The following FRMD5 variants were observed in gnomAD, a reference collection of about 807,000 sequenced individuals.
The protein encoded by FRMD5 is FERM domain-containing protein 5.
Under a neutral mutation model 69.0 loss-of-function variants are expected in FRMD5, and 20 were observed. That is an observed-to-expected ratio of 0.29 (90% CI 0.20 to 0.42). FRMD5 has a LOEUF of 0.42. FRMD5 is among the 10% of genes least tolerant of loss of function. The pLI is 1.00. For missense variants in FRMD5, 595 were observed against 708.6 expected (o/e 0.84, Z 1.82); for synonymous variants, 271 against 260.1 (o/e 1.04, Z -0.40).
At chr15:43,946,030 G>C (rs1278911111) in intron 1 of FRMD5, among the ~76,000 whole-genome samples, 8 of 151,914 alleles carry the variant, frequency 5.3e-5, no homozygotes, top group Non-Finnish European at 2.9e-5. Flanking sequence ...ACTCCAGCCT[G>C]GGCAACAGAG....
intron 1 of FRMD5, among the ~76,000 whole-genome samples, chr15:44,073,881 T>C (rs1893644905): frequency 6.6e-6 from 1 of 152,210 alleles, no homozygotes; most frequent in East Asian, 1.9e-4. Context: ...ATCATGGGGA[T>C]ATGTAATGAC....
At chr15:44,127,716 A>T (rs1397290285) in intron 1 of FRMD5, among the ~76,000 whole-genome samples, 3 of 152,080 alleles carry the variant, frequency 2.0e-5, no homozygotes, top group Non-Finnish European at 4.4e-5. Context: ...TCTACAAAAA[A>T]ATACAAAAAT....
intron 1 of FRMD5, among the ~76,000 whole-genome samples, chr15:44,021,504 A>G (rs1891207099): frequency 6.6e-6 from 1 of 152,168 alleles, no homozygotes; most frequent in African/African-American, 2.4e-5. Context: ...GGGCTTGAAC[A>G]TTTTCCCAAA....
At chr15:44,100,258 T>C (rs1447620294) in intron 1 of FRMD5, among the ~76,000 whole-genome samples, 1 of 151,436 alleles carries the variant, frequency 6.6e-6, no homozygotes, top group African/African-American at 2.4e-5. Context: ...GGTTTCACCA[T>C]GTTGTCCAGG....
chr15:43,939,951 C>T (rs925077812), intron 1 of FRMD5, among the ~76,000 whole-genome samples: 4 of 152,108 alleles, frequency 2.6e-5, no homozygotes, highest in Non-Finnish European at 5.9e-5. Flanking sequence ...GCAAGGCAGG[C>T]GGATCACCTT....
chr15:43,967,458 C>A (rs1438532860), intron 1 of FRMD5, among the ~76,000 whole-genome samples: 1 of 152,070 alleles, frequency 6.6e-6, no homozygotes, highest in Non-Finnish European at 1.5e-5. Flanking sequence ...GTCTCAAACT[C>A]CTGATCTCAT....
Position 44,058,666 on chromosome 15 carries a change from G to A in FRMD5, c.103-134357C>T, listed in dbSNP as rs577853461. 3.3e-5 allele frequency among the ~76,000 whole-genome samples: 5 copies of A among 151,762 alleles called. No individual in the cohort carries two copies. In the South Asian group the frequency reaches 8.3e-4, roughly 25 times the overall value. ...CCAGGCGTGGTGGCGGGTGCCTGTAGTCCCAGCTACTCAGGAGGCTGAGGC... is the reference window on the plus strand; with the variant it reads ...CCAGGCGTGGTGGCGGGTGCCTGTAATCCCAGCTACTCAGGAGGCTGAGGC... On this transcript the variant is annotated intron_variant, in intron 1 of 13. Coordinates refer to ENST00000417257, the MANE Select transcript of FRMD5 (RefSeq NM_032892.5).
intron 1 of FRMD5, among the ~76,000 whole-genome samples, chr15:43,931,761 CA>C (rs1460491722): frequency 1.3e-5 from 2 of 152,136 alleles, no homozygotes; most frequent in Non-Finnish European, 2.9e-5. Flanking sequence ...TGGCCAGTGC[CA>C]ACATATGTGA....
At chr15:44,174,984 A>C (rs2077869341) in intron 1 of FRMD5, among the ~76,000 whole-genome samples, 2 of 152,220 alleles carry the variant, frequency 1.3e-5, no homozygotes, top group East Asian at 3.8e-4. Context: ...TGACAGGTTG[A>C]TAGGTGCAGC....
At chr15:44,041,639 C>T (rs911088738) in intron 1 of FRMD5, among the ~76,000 whole-genome samples, 2 of 152,150 alleles carry the variant, frequency 1.3e-5, no homozygotes, top group Admixed American at 1.3e-4. Context: ...TGCAAAATCG[C>T]ACAATTACAT....
At chr15:44,155,151 C>T (rs1426244241) in intron 1 of FRMD5, among the ~76,000 whole-genome samples, 1 of 152,048 alleles carries the variant, frequency 6.6e-6, no homozygotes, top group Non-Finnish European at 1.5e-5. Flanking sequence ...AAAAGAAAAG[C>T]TGGCCAGGCA....
chr15:43,909,869 C>A lies in FRMD5; in HGVS notation c.427+13G>T. ...GGCATGAAAAGCAAACTTATCCTGT[C>A]AAAAGTCATTACCTTGAAGGATGTA... On this transcript the variant is annotated intron_variant, in intron 5 of 13. Transcript: ENST00000417257. The A allele has an allele frequency of 6.4e-7, 1 of 1,564,300 alleles. No individual in the cohort carries two copies. Among genetic ancestry groups the A allele is most frequent in the South Asian group, 1.1e-5 (1 of 89,420 alleles).
intron 1 of FRMD5, among the ~76,000 whole-genome samples, chr15:44,186,075 G>A (rs2078095897): frequency 1.3e-5 from 2 of 152,070 alleles, no homozygotes; most frequent in Non-Finnish European, 2.9e-5. Context: ...TTACAGGCAT[G>A]CGTCACCACA....
At chr15:43,882,393 CTG>C (rs1221349221) in intron 13 of FRMD5, among the ~76,000 whole-genome samples, 4 of 152,080 alleles carry the variant, frequency 2.6e-5, no homozygotes, top group Non-Finnish European at 2.9e-5. Context: ...GAGTCTTACT[CTG>C]TTGCCCAGGC....
At chr15:43,899,836 G>A (rs896900242) in intron 7 of FRMD5, among the ~76,000 whole-genome samples, 2 of 152,190 alleles carry the variant, frequency 1.3e-5, no homozygotes, top group Admixed American at 6.5e-5. Flanking sequence ...GTCCTGGGGT[G>A]CATGTGTATT....
intron 1 of FRMD5, among the ~76,000 whole-genome samples, chr15:44,181,528 C>A (rs2078000820): frequency 6.6e-6 from 1 of 152,022 alleles, no homozygotes; most frequent in South Asian, 2.1e-4. Context: ...ATAAAATTCA[C>A]CATTTTATAG....
intron 7 of FRMD5, among the ~76,000 whole-genome samples, chr15:43,898,819 G>A (rs1359019222): frequency 2.0e-5 from 3 of 152,202 alleles, no homozygotes; most frequent in Admixed American, 6.5e-5. Flanking sequence ...GGACAGCCTT[G>A]TCCTGCACTT....
upstream of FRMD5, among the ~76,000 whole-genome samples, chr15:44,197,764 T>C (rs1232716591): frequency 6.6e-6 from 1 of 150,902 alleles, no homozygotes; most frequent in Non-Finnish European, 1.5e-5. Flanking sequence ...CTGTTTGTTA[T>C]AGAATCAACA....
chr15:44,149,309 C>T, intron 1 of FRMD5, among the ~76,000 whole-genome samples: 1 of 151,234 alleles, frequency 6.6e-6, no homozygotes, highest in East Asian at 1.9e-4. Flanking sequence ...AAATAATTCA[C>T]TACAAAAAGT....
Sources: gnomAD v4.1 joint callset for allele counts (sites outside exome capture counted in the v4.1 genomes callset) on GRCh38, gnomAD v4.1.1 for gene constraint, MANE v1.5 for transcripts, NCBI Gene and HGNC (gene_info 2026-07-23, HGNC 2026-07-21) for gene names.